The following ABR variants were observed in gnomAD, a reference collection of about 807,000 sequenced individuals.
ABR encodes the protein active breakpoint cluster region-related protein.
ABR carries 35 observed loss-of-function variants against 107.2 expected under a neutral mutation model. The ratio of observed to expected loss-of-function variants is 0.33; its 90% CI spans 0.25 to 0.43. The LOEUF (loss-of-function observed/expected upper bound fraction) is 0.43. Ranked by LOEUF, ABR falls within the 20% of genes least tolerant of loss-of-function variation. The pLI is 1.00. For missense variants in ABR, 815 were observed against 1,115.2 expected (o/e 0.73, Z 3.83); for synonymous variants, 498 against 462.0 (o/e 1.08, Z -1.00).
intron 1 of ABR, among the ~76,000 whole-genome samples, chr17:1,222,747 A>G (rs2043141338): frequency 6.6e-6 from 1 of 152,174 alleles, no homozygotes; most frequent in South Asian, 2.1e-4. Context: ...CCCCGTCTCT[A>G]CAAAAAATTA....
At chr17:1,162,219 G>A (rs559550386) in intron 1 of ABR, among the ~76,000 whole-genome samples, 51 of 152,322 alleles carry the variant, frequency 3.3e-4, no homozygotes, top group African/African-American at 1.1e-3. Context: ...AGAGAACAGC[G>A]CCGTGAACAC....
intron 10 of ABR, among the ~76,000 whole-genome samples, chr17:1,062,076 G>C (rs1326262947): frequency 1.3e-5 from 2 of 152,192 alleles, no homozygotes; most frequent in African/African-American, 2.4e-5. Flanking sequence ...CCCAGGGGTG[G>C]TGAGGCCTAA....
Position 1,078,677 on chromosome 17 carries a change from G to A in ABR, c.700+653C>T, listed in dbSNP as rs971452302. 1 of 900,330 alleles carries A rather than the reference G, an allele frequency of 1.1e-6. No individual in the cohort carries two copies. The highest frequency in any genetic ancestry group is 2.6e-5 in the Admixed American group (1 of 39,168). 55.8% of individuals were successfully genotyped at this position (900,330 alleles called of 1,614,324 possible). On this transcript the variant is annotated intron_variant, in intron 6 of 22. Transcript: ENST00000302538. This position sits in a 1 kb window ranked among gnomAD's most constrained non-coding sequence, Gnocchi z 7.5. ...TAGGCTGGATGCCGCCAAAACGAAG[G>A]GGGAATTCAGGTCCAGCCGCTCGCC...
At chr17:1,178,711 G>A (rs1393554861) in intron 1 of ABR, among the ~76,000 whole-genome samples, 1 of 152,066 alleles carries the variant, frequency 6.6e-6, no homozygotes, top group Non-Finnish European at 1.5e-5. Context: ...TCCCACTCAC[G>A]TGGGCCAGGA....
intron 6 of ABR, among the ~76,000 whole-genome samples, chr17:1,075,566 G>A (rs2035631913): frequency 6.9e-6 from 1 of 145,510 alleles, no homozygotes; most frequent in African/African-American, 2.7e-5. Flanking sequence ...GAATCACTGG[G>A]GGAGCGGTTA....
At chr17:1,193,962 G>A (rs933929962) in intron 1 of ABR, among the ~76,000 whole-genome samples, 2 of 152,056 alleles carry the variant, frequency 1.3e-5, no homozygotes, top group Non-Finnish European at 2.9e-5. Flanking sequence ...TCAAAGTGCT[G>A]GGATAACAGG....
intron 1 of ABR, among the ~76,000 whole-genome samples, chr17:1,178,337 G>A (rs566748028): frequency 7.4e-4 from 112 of 152,234 alleles, no homozygotes; most frequent in African/African-American, 2.7e-3. Flanking sequence ...GCTGAGGCAG[G>A]TGGATCACCT....
At chr17:1,043,471 T>A (rs1414512361) in intron 16 of ABR, among the ~76,000 whole-genome samples, 1 of 148,574 alleles carries the variant, frequency 6.7e-6, no homozygotes, top group Non-Finnish European at 1.5e-5. Flanking sequence ...GCCCGGCCCC[T>A]AAAATTTATT....
chr17:1,133,335 G>A (rs541588071), intron 1 of ABR, among the ~76,000 whole-genome samples: 26 of 151,958 alleles, frequency 1.7e-4, no homozygotes, highest in East Asian at 7.7e-4. Context: ...TATACCCAGC[G>A]TAATAAGATT....
rs537402692 is a variant in ABR, at chr17:1,123,606, A to G, written c.246+1577T>C. Among the ~76,000 whole-genome samples, 8 of 152,350 alleles carry G rather than the reference A, an allele frequency of 5.3e-5. No individual in the cohort carries two copies. The South Asian group carries it at 1.7e-3, about 32-fold the overall frequency. ...GCAAAGAGGGAGGTGGCGCGGGGAC[A>G]GGCAGCGGCAAAGACCCTGGCCCCA... On this transcript the variant is annotated intron_variant, in intron 2 of 22. Transcript: ENST00000302538.
Position 1,078,075 on chromosome 17 carries a change from G to C in ABR, c.700+1255C>G, listed in dbSNP as rs1211716589. ...AGCCAGCTGCGGGAGCTGCAAGGAG[G>C]ATGGTCCGGGTCCCTTCCACCGAAA... On this transcript the variant is annotated intron_variant, in intron 6 of 22. Coordinates refer to ENST00000302538, the MANE Select transcript of ABR (RefSeq NM_021962.5). This position sits in a 1 kb window ranked among gnomAD's most constrained non-coding sequence, Gnocchi z 7.5. Among the ~76,000 whole-genome samples, 6 of 152,164 alleles carry C rather than the reference G, an allele frequency of 3.9e-5. No individual in the cohort carries two copies. Among genetic ancestry groups the C allele is most frequent in the African/African-American group, 1.4e-4 (6 of 41,436 alleles).
At position 1,091,716 on chromosome 17, in the gene ABR, C is replaced by T; in HGVS notation, c.480G>A (p.Lys160=). Residue 160 remains lysine (K), a synonymous_variant, in exon 4 of 23, where the codon AAG becomes AAA. Transcript: ENST00000302538. The part of the protein sequence containing the change: ...HKEFYDNLCP[K]VQQWDSQVTM... ...TGACCTGGCTGTCCCACTGTTGCACCTTGGGGCACAGGTTGTCATAGAACT... is the reference window on the plus strand; with the variant it reads ...TGACCTGGCTGTCCCACTGTTGCACTTTGGGGCACAGGTTGTCATAGAACT... 6.2e-7 allele frequency: 1 copy of T among 1,614,152 alleles called. No individual in the cohort carries two copies.
intron 6 of ABR, among the ~76,000 whole-genome samples, chr17:1,076,012 A>C (rs1192952860): frequency 2.0e-5 from 3 of 152,244 alleles, no homozygotes; most frequent in Middle Eastern, 3.2e-3. Flanking sequence ...ATTGCACTCC[A>C]GCCTGGGCGA....
At chr17:1,132,885 A>G (rs2039908849) in intron 1 of ABR, among the ~76,000 whole-genome samples, 1 of 152,214 alleles carries the variant, frequency 6.6e-6, no homozygotes, top group African/African-American at 2.4e-5. Flanking sequence ...TAAGATAATA[A>G]TAACAATATC....
At chr17:1,178,565 A>AG (rs2041995904) in intron 1 of ABR, among the ~76,000 whole-genome samples, 1 of 15,504 alleles carries the variant, frequency 6.4e-5, no homozygotes, top group Non-Finnish European at 1.6e-4. Context: ...ACTCCGTCTC[A>AG]AAAAAAAAAA....
intron 6 of ABR, chr17:1,079,010 G>C (rs1332502721): frequency 6.8e-7 from 1 of 1,460,178 alleles, no homozygotes; most frequent in African/African-American, 1.4e-5. Context: ...CCAGCAAGGG[G>C]GAGGGGAGGG....
upstream of ABR, among the ~76,000 whole-genome samples, chr17:1,180,092 G>A (rs113602312): frequency 6.6e-6 from 1 of 150,574 alleles, no homozygotes; most frequent in Non-Finnish European, 1.5e-5. Flanking sequence ...TCGGCTCGAG[G>A]CTCCGCCCTC....
intron 1 of ABR, among the ~76,000 whole-genome samples, chr17:1,196,540 C>T (rs1258326764): frequency 6.6e-6 from 1 of 151,116 alleles, no homozygotes; most frequent in East Asian, 1.9e-4. Flanking sequence ...GCCTCACCCA[C>T]CCCCTCCCTA....
chr17:1,022,261 G>A (rs1011781891), intron 16 of ABR, among the ~76,000 whole-genome samples: 1 of 152,212 alleles, frequency 6.6e-6, no homozygotes, highest in African/African-American at 2.4e-5. Flanking sequence ...CAGGCATCGG[G>A]TCTGAGGGTG....
Sources: allele counts gnomAD v4.1 joint callset (sites outside exome capture counted in the v4.1 genomes callset), GRCh38; gene constraint gnomAD v4.1.1; non-coding constraint Gnocchi (gnomAD v3.1); transcripts MANE v1.5; gene names NCBI Gene and HGNC (gene_info 2026-07-23, HGNC 2026-07-21).